The following NAA25 variants were observed in gnomAD, a reference collection of about 807,000 sequenced individuals.
NAA25 encodes N-terminal acetyltransferase B complex subunit NAA25.
Under a neutral mutation model 132.5 loss-of-function variants are expected in NAA25, and 30 were observed. The ratio of observed to expected loss-of-function variants is 0.23; its 90% confidence interval spans 0.17 to 0.31. The LOEUF is 0.31. Among genes scored for constraint, NAA25 ranks in the 10% least tolerant of loss-of-function variants. The probability of loss-of-function intolerance (pLI) is 1.00; values close to 1 mark genes in which losing one functional copy is unlikely to be tolerated. For missense variants in NAA25, 771 were observed against 1,150.4 expected (o/e 0.67, Z 4.77); for synonymous variants, 359 against 401.9 (o/e 0.89, Z 1.28).
chr12:112,053,506 T>C, intron 15 of NAA25, 52 bp downstream of exon 15: 7 of 1,286,608 alleles, frequency 5.4e-6, no homozygotes, highest in Middle Eastern at 3.6e-4. Context: ...TGCTCCTCAA[T>C]AGTGTGCAGT....
intron 5 of NAA25, 59 bp downstream of exon 5, chr12:112,081,001 A>G (rs1268382902): frequency 2.9e-6 from 4 of 1,384,204 alleles, no homozygotes; most frequent in South Asian, 2.3e-5. Flanking sequence ...CACACTGAGG[A>G]CAATAACTAT....
chr12:112,058,681 T>C (rs1455497628), intron 13 of NAA25, among the ~76,000 whole-genome samples: 1 of 152,124 alleles, frequency 6.6e-6, no homozygotes, highest in Non-Finnish European at 1.5e-5. Flanking sequence ...CCCAGCACTT[T>C]GGGAGGCCGC....
At chr12:112,092,682 C>CCTT (rs1566032006) in intron 2 of NAA25, among the ~76,000 whole-genome samples, 4 of 145,104 alleles carry the variant, frequency 2.8e-5, no homozygotes, top group Non-Finnish European at 3.0e-5. Context: ...TCTCCCCCCC[C>CCTT]TTTTTTTTTT....
At chr12:112,072,130 A>G in intron 9 of NAA25, 66 bp from the exon 10 acceptor site, 1 of 1,333,684 alleles carries the variant, frequency 7.5e-7, no homozygotes, top group Non-Finnish European at 1.0e-6. Context: ...CTTAAAGTCA[A>G]GCCAAACTCA....
chr12:112,036,512 CTG>C (rs887652028), intron 22 of NAA25, among the ~76,000 whole-genome samples: 2 of 151,026 alleles, frequency 1.3e-5, no homozygotes, highest in African/African-American at 4.9e-5. Context: ...ACTCTTGAAA[CTG>C]AGAGTATCAC....
chr12:112,032,629 C>T (rs898436241), intron 23 of NAA25, among the ~76,000 whole-genome samples: 3 of 152,194 alleles, frequency 2.0e-5, no homozygotes, highest in African/African-American at 7.2e-5. Flanking sequence ...AATCCTAAAC[C>T]TACTCCAGGC....
At chr12:112,032,448 T>C (rs570702220) in intron 23 of NAA25, among the ~76,000 whole-genome samples, 3 of 152,338 alleles carry the variant, frequency 2.0e-5, no homozygotes, top group Non-Finnish European at 2.9e-5. Context: ...TCTGGGGCTA[T>C]GATGATGGCT....
chr12:112,079,403 G>A (rs2078938338), intron 5 of NAA25, among the ~76,000 whole-genome samples: 1 of 151,952 alleles, frequency 6.6e-6, no homozygotes, highest in Non-Finnish European at 1.5e-5. Context: ...TGGCCAACAT[G>A]GCAAAACCCC....
intron 21 of NAA25, 40 bp from the exon 22 acceptor site, chr12:112,039,379 C>T (rs1475563800): frequency 2.6e-6 from 3 of 1,156,092 alleles, no homozygotes; most frequent in South Asian, 1.3e-5. Flanking sequence ...AAGGATTACA[C>T]TAAAAATATC....
chr12:112,035,436 A>G (rs1447801215), intron 22 of NAA25: 1 of 152,122 alleles, frequency 6.6e-6, no homozygotes, highest in Admixed American at 6.6e-5. Context: ...CTGGGATTAC[A>G]AGCATGAACG....
intron 9 of NAA25, among the ~76,000 whole-genome samples, chr12:112,072,619 A>G (rs1468975256): frequency 6.1e-5 from 9 of 148,300 alleles, no homozygotes; most frequent in African/African-American, 2.2e-4. Context: ...AAAAAAAAAA[A>G]AAAGAAAAGA....
rs1220237655 is a variant in NAA25 at position 112,043,075 on chromosome 12, A to T, written c.2374+13T>A. 6 of 1,588,606 alleles carry T rather than the reference A, an allele frequency of 3.8e-6. No homozygotes were observed. The highest frequency in any genetic ancestry group is 5.1e-6 in the Non-Finnish European group (6 of 1,169,142). ...TATGACAAAGACCCTATAAACACAC[A>T]GTGTACACTTACCTAAACCACTGGT... On this transcript the variant is annotated intron_variant, in intron 19 of 23. Transcript: ENST00000261745.
chr12:112,038,452 C>G (rs2078256151), intron 22 of NAA25, among the ~76,000 whole-genome samples: 1 of 152,096 alleles, frequency 6.6e-6, no homozygotes, highest in Non-Finnish European at 1.5e-5. Flanking sequence ...TCTGTACTTT[C>G]CTTTTACATG....
intron 12 of NAA25, among the ~76,000 whole-genome samples, chr12:112,060,684 A>C (rs1400671181): frequency 6.6e-6 from 1 of 152,206 alleles, no homozygotes; most frequent in Non-Finnish European, 1.5e-5. Context: ...CTAAATTCAC[A>C]ATATGCTCCT....
At chr12:112,088,815 T>C (rs1280443020) in intron 3 of NAA25, among the ~76,000 whole-genome samples, 1 of 152,052 alleles carries the variant, frequency 6.6e-6, no homozygotes, top group East Asian at 1.9e-4. Flanking sequence ...AGATGGGGTT[T>C]CTCCATGTTG....
chr12:112,036,020 A>G (rs1183387084), intron 22 of NAA25, among the ~76,000 whole-genome samples: 1 of 152,154 alleles, frequency 6.6e-6, no homozygotes, highest in Non-Finnish European at 1.5e-5. Context: ...TTATAATGCT[A>G]TAGCAAACAA....
chr12:112,088,956 C>T (rs2079093330), intron 3 of NAA25, among the ~76,000 whole-genome samples: 1 of 151,834 alleles, frequency 6.6e-6, no homozygotes, highest in Non-Finnish European at 1.5e-5. Context: ...TGATAGAATA[C>T]CAGTCATAGA....
chr12:112,048,687 AG>A (rs1460591519), intron 15 of NAA25, among the ~76,000 whole-genome samples: 11 of 152,282 alleles, frequency 7.2e-5, no homozygotes, highest in African/African-American at 2.6e-4. Flanking sequence ...CCATCACATA[AG>A]CCTTCTCTTG....
intron 1 of NAA25, among the ~76,000 whole-genome samples, chr12:112,094,101 C>T (rs1383533621): frequency 6.6e-6 from 1 of 151,464 alleles, no homozygotes; most frequent in Non-Finnish European, 1.5e-5. Context: ...ATTAGCCAGG[C>T]GTGGTGGTGG....
Sources: allele counts gnomAD v4.1 joint callset (sites outside exome capture counted in the v4.1 genomes callset), GRCh38; gene constraint gnomAD v4.1.1; transcripts MANE v1.5; gene names NCBI Gene and HGNC (gene_info 2026-07-23, HGNC 2026-07-21).